Variants in POU2F2 observed in about 807,000 individuals in gnomAD.
POU2F2 encodes POU class 2 homeobox 2.
A neutral mutation model predicts 63.5 loss-of-function variants in POU2F2; 14 were observed. The observed-to-expected ratio is 0.22, with a 90% CI of 0.15 to 0.34. POU2F2 has a LOEUF of 0.34. POU2F2 is among the 10% of genes least tolerant of loss of function. The pLI is 1.00. For missense variants in POU2F2, 607 were observed against 815.2 expected (o/e 0.74, Z 3.11); for synonymous variants, 306 against 348.6 (o/e 0.88, Z 1.36).
Position 42,096,698 on chromosome 19 carries a change from C to T in POU2F2, c.568-455G>A, listed in dbSNP as rs1228690191. ...CTGCTGTTCTGTCTACCCAGTGGGG[C>T]TGTTGAGAGAATCGGGTTAAAAATG... On this transcript the variant is annotated intron_variant, in intron 7 of 14. Coordinates refer to ENST00000692977, the MANE Select transcript of POU2F2 (RefSeq NM_001394376.1). The surrounding 1 kb of genome is among the most constrained non-coding windows in gnomAD (Gnocchi z 4.1). 6.6e-6 allele frequency among the ~76,000 whole-genome samples: 1 copy of T among 152,220 alleles called. No homozygotes were observed. Among genetic ancestry groups the T allele is most frequent in the African/African-American group, 2.4e-5 (1 of 41,448 alleles).
upstream of POU2F2, among the ~76,000 whole-genome samples, chr19:42,133,685 A>G (rs1327592712): frequency 6.6e-6 from 1 of 152,020 alleles, no homozygotes; most frequent in Non-Finnish European, 1.5e-5. This position sits in a 1 kb window ranked among gnomAD's most constrained non-coding sequence, Gnocchi z 5.1. Flanking sequence ...CACAGGCCCC[A>G]ACACCAGCCC....
Position 42,096,142 on chromosome 19 carries a change from C to T in POU2F2, c.669G>A (p.Glu223=). 6.2e-7 allele frequency: 1 copy of T among 1,613,800 alleles called. No homozygotes were observed. The change falls in exon 8 of 15, where the codon GAG becomes GAA. Residue 223 remains glutamate, a synonymous_variant. Transcript: ENST00000692977. The surrounding 1 kb of genome is among the most constrained non-coding windows in gnomAD (Gnocchi z 4.1). The stretch of plus-strand genomic sequence containing the variant: ...AGGTGCGGGCGAATTGCTCCAGCTC[C>T]TCCAGATCACTGGGCTCCTCGGGGT... ...PSHPEEPSDL[E]ELEQFARTFK... is the part of the protein sequence containing the mutation.
chr19:42,149,801 C>T (rs1488490277), intron 2 of POU2F2, among the ~76,000 whole-genome samples: 1 of 152,184 alleles, frequency 6.6e-6, no homozygotes. Flanking sequence ...CTCACACCAG[C>T]AGTCCAGCAG....
chr19:42,092,219 C>T lies in POU2F2; in HGVS notation c.1316G>A (p.Gly439Glu). Residue 439 changes from glycine (G) to glutamate (E), a missense_variant, in exon 13 of 15, where the codon GGA becomes GAA. Gly to Glu is a moderately conservative substitution (Grantham distance 98). Around this residue, in one of 7 missense-constraint regions of POU2F2, gnomAD observed 270 missense variants for 307.5 expected, o/e 0.88. Coordinates refer to ENST00000692977, the MANE Select transcript of POU2F2 (RefSeq NM_001394376.1). The surrounding 1 kb of genome is among the most constrained non-coding windows in gnomAD (Gnocchi z 5.0). Reference sequence around the variant, plus strand: ...AGCCCCGCCCCCGCCCCCACCCCCTCCAGCTGTCCGGCTGGGGTGGAGCGT... The same window carrying T: ...AGCCCCGCCCCCGCCCCCACCCCCTTCAGCTGTCCGGCTGGGGTGGAGCGT... ...VGTLHPSRTAGGGGGGGGAAP... is the reference protein window; with the variant it reads ...VGTLHPSRTAEGGGGGGGAAP... 6.4e-7 allele frequency: 1 copy of T among 1,570,708 alleles called. No individual in the cohort carries two copies. Among genetic ancestry groups the T allele is most frequent in the South Asian group, 1.2e-5 (1 of 85,816 alleles).
At chr19:42,097,425 G>A (rs886929942) in intron 7 of POU2F2, among the ~76,000 whole-genome samples, 2 of 151,452 alleles carry the variant, frequency 1.3e-5, no homozygotes, top group Non-Finnish European at 2.9e-5. Flanking sequence ...TCGAACTCCC[G>A]ACCTCAGGTG....
At chr19:42,194,805 G>C (rs1434923235) in intron 1 of POU2F2, among the ~76,000 whole-genome samples, 1 of 139,210 alleles carries the variant, frequency 7.2e-6, no homozygotes, top group Non-Finnish European at 1.6e-5. Context: ...GGGGAGGGAG[G>C]GAGGAAGAAG....
intron 1 of POU2F2, among the ~76,000 whole-genome samples, chr19:42,163,739 TG>T: frequency 6.6e-6 from 1 of 152,314 alleles, no homozygotes; most frequent in Middle Eastern, 3.4e-3. Context: ...CAAGCCTCAA[TG>T]TCTTCATTTG....
chr19:42,164,169 G>A (rs1325996815), intron 1 of POU2F2, among the ~76,000 whole-genome samples: 1 of 151,950 alleles, frequency 6.6e-6, no homozygotes, highest in Non-Finnish European at 1.5e-5. Flanking sequence ...TGGTGCGCCT[G>A]TAATCCCAGC....
rs553232728 is a variant in POU2F2, at chr19:42,152,514, G to A, written c.-9+7818C>T. 2 of 152,430 alleles carry A rather than the reference G, an allele frequency of 1.3e-5. No homozygotes were observed. 9.4% of individuals were successfully genotyped at this position (152,430 alleles called of 1,614,324 possible). A position where few individuals can be genotyped will look rare whatever the true frequency, so the allele number is the denominator to read the frequency against. On this transcript the variant is annotated intron_variant, in intron 2 of 6. Transcript: ENST00000524801. This position sits in a 1 kb window ranked among gnomAD's most constrained non-coding sequence, Gnocchi z 4.1. ...ATCAATACGGCAGGGATATAAAGCC[G>A]GCTGGCTGGCTGCCTGCCTCTGCCT...
chr19:42,108,250 G>C (rs146978863), intron 5 of POU2F2, among the ~76,000 whole-genome samples: 1 of 152,188 alleles, frequency 6.6e-6, no homozygotes, highest in Non-Finnish European at 1.5e-5. Flanking sequence ...AGGCACTTGG[G>C]CATGGTGATA....
chr19:42,134,432 C>CTT (rs1268508782), upstream of POU2F2: 9 of 152,506 alleles, frequency 5.9e-5, no homozygotes, highest in East Asian at 1.7e-3. Context: ...AACCCCACAC[C>CTT]TCTCGCCTCC....
upstream of POU2F2, among the ~76,000 whole-genome samples, chr19:42,180,734 T>C (rs1440353480): frequency 6.6e-6 from 1 of 152,222 alleles, no homozygotes; most frequent in East Asian, 1.9e-4. Context: ...GTTTGTTTGT[T>C]TGTTTGTTTT....
upstream of POU2F2, chr19:42,133,387 C>T (rs1193907195): frequency 1.3e-5 from 2 of 153,214 alleles, no homozygotes; most frequent in Admixed American, 6.5e-5. The surrounding 1 kb of genome is among the most constrained non-coding windows in gnomAD (Gnocchi z 5.1). Flanking sequence ...GCGCAGGACT[C>T]CCGGCGCACC....
intron 5 of POU2F2, among the ~76,000 whole-genome samples, chr19:42,110,144 T>G (rs1382453051): frequency 1.3e-5 from 2 of 151,548 alleles, no homozygotes; most frequent in Non-Finnish European, 1.5e-5. Flanking sequence ...ATGCCTGTAG[T>G]CTCAGCTACT....
chr19:42,113,048 A>C (rs541858336), intron 5 of POU2F2, among the ~76,000 whole-genome samples: 3 of 151,954 alleles, frequency 2.0e-5, no homozygotes, highest in Non-Finnish European at 4.4e-5. Context: ...CCTCAGACAC[A>C]CATCACATTT....
At chr19:42,113,437 A>G (rs937481762) in intron 5 of POU2F2, among the ~76,000 whole-genome samples, 5 of 152,250 alleles carry the variant, frequency 3.3e-5, no homozygotes, top group Admixed American at 6.5e-5. Context: ...CTTCGTCTGT[A>G]CAAGCTAGGA....
chr19:42,108,832 A>G (rs1207970793), intron 5 of POU2F2, among the ~76,000 whole-genome samples: 2 of 152,232 alleles, frequency 1.3e-5, no homozygotes, highest in African/African-American at 2.4e-5. Flanking sequence ...TTTGTAGATC[A>G]GCTGCTCTGT....
chr19:42,131,730 A>G (rs1473625167), intron 1 of POU2F2, among the ~76,000 whole-genome samples: 2 of 152,220 alleles, frequency 1.3e-5, no homozygotes, highest in Admixed American at 6.5e-5. Context: ...TGCCGTGAAG[A>G]AAAGATAAAG....
At chr19:42,093,145 G>A (rs997739170) in intron 12 of POU2F2, among the ~76,000 whole-genome samples, 3 of 150,772 alleles carry the variant, frequency 2.0e-5, no homozygotes, top group Admixed American at 6.6e-5. Context: ...CGAGTAGCTG[G>A]GATTACAGAC....
Sources: allele counts gnomAD v4.1 joint callset (sites outside exome capture counted in the v4.1 genomes callset), GRCh38; gene constraint gnomAD v4.1.1; regional missense constraint gnomAD v4.1.1; non-coding constraint Gnocchi (gnomAD v3.1); transcripts MANE v1.5; gene names NCBI Gene and HGNC (gene_info 2026-07-23, HGNC 2026-07-21).